PDE1C: variants seen among roughly 807,000 people sequenced by gnomAD.
The protein encoded by PDE1C is phosphodiesterase 1C.
Under a neutral mutation model 93.1 loss-of-function variants are expected in PDE1C, and 62 were observed. That is an observed-to-expected ratio of 0.67 (90% CI 0.54 to 0.82). The LOEUF (loss-of-function observed/expected upper bound fraction) is 0.82, where lower values mean the gene tolerates loss of function less well. PDE1C is among the 40% of genes least tolerant of loss of function. The pLI, the probability that PDE1C is intolerant of heterozygous loss-of-function variation, is 0.00. For synonymous variants in PDE1C, 325 were observed against 310.1 expected (o/e 1.05, Z -0.50); for missense variants, 742 against 884.6 (o/e 0.84, Z 2.04).
chr7:32,002,217 C>T (rs1158369618), intron 2 of PDE1C, among the ~76,000 whole-genome samples: 1 of 152,158 alleles, frequency 6.6e-6, no homozygotes, highest in East Asian at 1.9e-4. Flanking sequence ...TCCCCTGACA[C>T]TAATGAAGTC....
chr7:31,685,966 C>T, the PDE1C span, among the ~76,000 whole-genome samples: 1 of 152,174 alleles, frequency 6.6e-6, no homozygotes, highest in African/African-American at 2.4e-5. Context: ...GGTGAGTTTA[C>T]TATGGTTCTA....
chr7:31,742,445 G>C, the PDE1C span, among the ~76,000 whole-genome samples: 1 of 152,216 alleles, frequency 6.6e-6, no homozygotes, highest in African/African-American at 2.4e-5. Context: ...GTGCACACCT[G>C]AAGTCCCAGC....
chr7:31,908,567 G>A (rs1464123502), intron 2 of PDE1C, among the ~76,000 whole-genome samples: 1 of 152,166 alleles, frequency 6.6e-6, no homozygotes, highest in Non-Finnish European at 1.5e-5. Flanking sequence ...ATGACCTCCA[G>A]GAATACATAT....
chr7:31,757,415 T>C (rs1794535491), intron 17 of PDE1C, among the ~76,000 whole-genome samples: 1 of 152,226 alleles, frequency 6.6e-6, no homozygotes, highest in African/African-American at 2.4e-5. Context: ...ATTTCTTCTA[T>C]AGAATCATCT....
At chr7:31,868,703 C>T (rs1290873293) in intron 6 of PDE1C, among the ~76,000 whole-genome samples, 1 of 151,516 alleles carries the variant, frequency 6.6e-6, no homozygotes, top group Admixed American at 6.6e-5. Context: ...TCAAAGATTC[C>T]CAAACAGATA....
intron 3 of PDE1C, among the ~76,000 whole-genome samples, chr7:32,088,027 TAAAAA>T (rs56733244): frequency 0.21 from 31,272 of 151,030 alleles, 3,629 homozygotes; most frequent in East Asian, 0.48. Flanking sequence ...AAATAAAAAA[TAAAAA>T]AAAGAAAATG....
chr7:32,124,632 GGAAAACTGGCTAGCCATATGCA>G (rs916132418), intron 3 of PDE1C, among the ~76,000 whole-genome samples: 3 of 152,162 alleles, frequency 2.0e-5, no homozygotes, highest in East Asian at 1.9e-4. Context: ...AGTGGTGCTA[GGAAAACTGGCTAGCCATATGCA>G]GAAAACTGGC....
chr7:32,308,230 C>G (rs567222079), intron 1 of PDE1C, among the ~76,000 whole-genome samples: 1 of 152,198 alleles, frequency 6.6e-6, no homozygotes, highest in Non-Finnish European at 1.5e-5. Context: ...ACAAAGCAGC[C>G]GGGAAGCTCA....
chr7:31,704,793 A>G, the PDE1C span, among the ~76,000 whole-genome samples: 1 of 152,184 alleles, frequency 6.6e-6, no homozygotes, highest in Non-Finnish European at 1.5e-5. Flanking sequence ...CACCATAGGC[A>G]AAGCTTTCTG....
intron 16 of PDE1C, among the ~76,000 whole-genome samples, chr7:31,802,509 T>C (rs1786195184): frequency 6.6e-6 from 1 of 151,748 alleles, no homozygotes; most frequent in South Asian, 2.1e-4. Flanking sequence ...TTGCCATTTT[T>C]AATGCTTTTC....
intron 1 of PDE1C, among the ~76,000 whole-genome samples, chr7:32,253,161 G>T (rs1014037300): frequency 6.6e-6 from 1 of 152,152 alleles, no homozygotes; most frequent in Non-Finnish European, 1.5e-5. Context: ...TTTAATACTC[G>T]TGACAACCTA....
intron 1 of PDE1C, among the ~76,000 whole-genome samples, chr7:32,068,030 G>T (rs879563256): frequency 6.6e-6 from 1 of 152,178 alleles, no homozygotes; most frequent in Non-Finnish European, 1.5e-5. Flanking sequence ...TAATCCAGGC[G>T]TGAGTTGATG....
intron 2 of PDE1C, among the ~76,000 whole-genome samples, chr7:32,001,918 G>A (rs1032934099): frequency 4.6e-5 from 7 of 152,158 alleles, no homozygotes; most frequent in African/African-American, 1.4e-4. Context: ...AATTAGCTGA[G>A]CGTTGTGGCA....
At chr7:32,096,309 C>A (rs7780007) in intron 3 of PDE1C, among the ~76,000 whole-genome samples, 1 of 151,968 alleles carries the variant, frequency 6.6e-6, no homozygotes, top group Non-Finnish European at 1.5e-5. Context: ...AGAACTAGTG[C>A]GTTTTGGAAA....
the PDE1C span, chr7:31,651,265 G>A: frequency 6.2e-6 from 10 of 1,613,004 alleles, no homozygotes; most frequent in African/African-American, 1.3e-5. Context: ...GTCAGAGGAG[G>A]AAAGGTAATT....
At chr7:32,178,897 G>A (rs73104543) in intron 2 of PDE1C, among the ~76,000 whole-genome samples, 17,983 of 152,234 alleles carry the variant, frequency 0.12, 1,221 homozygotes, top group Middle Eastern at 0.18. Flanking sequence ...CTCAGATTCA[G>A]ATGTAGCAAA....
chr7:31,904,932 T>C (rs1800409005), intron 2 of PDE1C, among the ~76,000 whole-genome samples: 1 of 152,156 alleles, frequency 6.6e-6, no homozygotes, highest in Admixed American at 6.6e-5. Flanking sequence ...AAAAGTATGC[T>C]AGATTTTTTT....
At chr7:31,708,971 T>C in the PDE1C span, among the ~76,000 whole-genome samples, 1 of 152,182 alleles carries the variant, frequency 6.6e-6, no homozygotes, top group Non-Finnish European at 1.5e-5. Flanking sequence ...TGAGGCATAA[T>C]TGGTGAAGGA....
intron 2 of PDE1C, among the ~76,000 whole-genome samples, chr7:32,170,950 C>T (rs989799521): frequency 6.6e-6 from 1 of 152,120 alleles, no homozygotes; most frequent in African/African-American, 2.4e-5. Flanking sequence ...TATTAGGCAG[C>T]CCCTAGGCTC....
Sources: gnomAD v4.1 joint callset for allele counts (sites outside exome capture counted in the v4.1 genomes callset) on GRCh38, gnomAD v4.1.1 for gene constraint, MANE v1.5 for transcripts, NCBI Gene and HGNC (gene_info 2026-07-23, HGNC 2026-07-21) for gene names.